Variants in PTPRU observed in about 807,000 individuals in gnomAD.
PTPRU encodes protein tyrosine phosphatase receptor type U.
PTPRU carries 69 observed loss-of-function variants against 166.3 expected under a neutral mutation model. The ratio of observed to expected loss-of-function variants is 0.41; its 90% CI spans 0.34 to 0.51. The LOEUF is 0.51. Among genes scored for constraint, PTPRU ranks in the 20% least tolerant of loss-of-function variants. PTPRU has a pLI of 0.09. For missense variants in PTPRU, 1,657 were observed against 2,013.7 expected (o/e 0.82, Z 3.39); for synonymous variants, 793 against 814.0 (o/e 0.97, Z 0.44).
rs149485705 is a variant in PTPRU at position 29,287,108 on chromosome 1, C to T, written c.2318+2239C>T. 1.5e-4 allele frequency among the ~76,000 whole-genome samples: 23 copies of T among 152,216 alleles called. 1 individual carries two copies. Among genetic ancestry groups the T allele is most frequent in the South Asian group, 4.1e-4 (2 of 4,822 alleles). On this transcript the variant is annotated intron_variant, in intron 14 of 29. Coordinates refer to ENST00000373779, the MANE Select transcript of PTPRU (RefSeq NM_133178.4). ...AAGTTGCTGAGGAGGGCAGTTACCA[C>T]GCCCCCAGGAGGGAGTCCCAGGGGG...
chr1:29,243,215 T>C (rs1005836144), intron 1 of PTPRU, among the ~76,000 whole-genome samples: 3 of 152,162 alleles, frequency 2.0e-5, no homozygotes, highest in Non-Finnish European at 4.4e-5. Flanking sequence ...TGGTTTCTAA[T>C]GCTTCCACCA....
chr1:29,287,696 G>A (rs970611310), intron 14 of PTPRU, among the ~76,000 whole-genome samples: 2 of 151,228 alleles, frequency 1.3e-5, no homozygotes, highest in Non-Finnish European at 2.9e-5. Flanking sequence ...CCAGGTTCAC[G>A]CCATTCTCCT....
Position 29,279,182 on chromosome 1 carries a change from T to C in PTPRU, c.1563+61T>C. The C allele has an allele frequency of 7.3e-7, 1 of 1,366,608 alleles. No individual in the cohort carries two copies. Among genetic ancestry groups the C allele is most frequent in the East Asian group, 2.5e-5 (1 of 39,996 alleles). The allele number at this position is 1,366,608 out of a possible 1,614,324, so 84.7% of individuals were successfully genotyped here. On this transcript the variant is annotated intron_variant, in intron 9 of 29. Transcript: ENST00000373779. This position sits in a 1 kb window ranked among gnomAD's most constrained non-coding sequence, Gnocchi z 5.2. The stretch of plus-strand genomic sequence containing the variant: ...GTGGAAGGTGAGAGGTGGCCCTCTT[T>C]CTCTCTGCTGCTACAGTAGGAGGTG...
intron 7 of PTPRU, among the ~76,000 whole-genome samples, chr1:29,266,169 T>C (rs1459850694): frequency 6.6e-6 from 1 of 151,854 alleles, no homozygotes; most frequent in East Asian, 1.9e-4. Context: ...TACAGGCATA[T>C]ACCACCATGC....
At chr1:29,294,872 T>G (rs529515147) in intron 15 of PTPRU, among the ~76,000 whole-genome samples, 2 of 152,354 alleles carry the variant, frequency 1.3e-5, no homozygotes, top group South Asian at 4.1e-4. Flanking sequence ...TTTCTACAGA[T>G]AAGTAGATCA....
At position 29,304,843 on chromosome 1, in the gene PTPRU, C is replaced by G. The variant is rs1004920455; in HGVS notation, c.2737C>G (p.Pro913Ala). 8.1e-6 allele frequency: 13 copies of G among 1,610,326 alleles called. No homozygotes were observed. Among genetic ancestry groups the G allele is most frequent in the Non-Finnish European group, 9.3e-6 (11 of 1,177,130 alleles). ...KVKGSRQEPM[P>A]AYDRHRVKLH... The stretch of plus-strand genomic sequence containing the variant: ...CAAGGGCAGCCGGCAGGAGCCAATG[C>G]CTGCCTGTGAGTCCTGGGGAAGGGC... The change falls in exon 17 of 30, where the codon CCT becomes GCT. Residue 913 changes from proline to alanine, a missense_variant. This residue lies in a region of PTPRU where 1,190 missense variants were observed against 1,477.4 expected (regional missense o/e 0.81). Coordinates refer to ENST00000373779, the MANE Select transcript of PTPRU (RefSeq NM_133178.4).
chr1:29,319,155 CGCCGGGGGACATCTG>C (rs1688034875), intron 25 of PTPRU, among the ~76,000 whole-genome samples: 1 of 152,126 alleles, frequency 6.6e-6, no homozygotes, highest in Admixed American at 6.5e-5. Context: ...CCCACATGCT[CGCCGGGGGACATCTG>C]GCCTGCTGAG....
At chr1:29,292,724 C>T (rs1040620604) in intron 15 of PTPRU, among the ~76,000 whole-genome samples, 3 of 152,038 alleles carry the variant, frequency 2.0e-5, no homozygotes, top group Non-Finnish European at 2.9e-5. Flanking sequence ...CAATGAACCT[C>T]ATTGGTGAAT....
At chr1:29,261,027 CCCTTGTTA>C (rs1685041569) in intron 7 of PTPRU, 124 bp downstream of exon 7, 71 of 1,136,116 alleles carry the variant, frequency 6.2e-5, no homozygotes, top group Non-Finnish European at 8.3e-5. Context: ...TTTTCCTCAA[CCCTTGTTA>C]TGGTAAAGAT....
Position 29,317,685 on chromosome 1 carries a change from G to A in PTPRU, c.3514-63G>A. 6.8e-6 allele frequency: 10 copies of A among 1,476,478 alleles called. No homozygotes were observed. Among genetic ancestry groups the A allele is most frequent in the Non-Finnish European group, 9.2e-6 (10 of 1,092,020 alleles). The allele number at this position is 1,476,478 out of a possible 1,614,324, so 91.5% of individuals were successfully genotyped here. On this transcript the variant is annotated intron_variant, in intron 24 of 29. Transcript: ENST00000373779. This position sits in a 1 kb window ranked among gnomAD's most constrained non-coding sequence, Gnocchi z 5.6. ...TAACTCAGTCCAGCCTCCTTCATGG[G>A]GATGTGAGGAGGCCCAGCAAGCCCT... is the stretch of plus-strand genomic sequence containing the variant.
intron 14 of PTPRU, among the ~76,000 whole-genome samples, chr1:29,288,519 G>C (rs887500670): frequency 1.3e-5 from 2 of 152,122 alleles, no homozygotes; most frequent in African/African-American, 4.8e-5. Context: ...GTCCTCCCTC[G>C]TGGGGCCTCT....
chr1:29,314,869 G>T (rs756993674), intron 22 of PTPRU, among the ~76,000 whole-genome samples: 1 of 152,142 alleles, frequency 6.6e-6, no homozygotes, highest in African/African-American at 2.4e-5. Context: ...CTGAGCCACC[G>T]TGCCTGGCCA....
rs1683830751 is a variant in PTPRU at position 29,237,633 on chromosome 1, G to C, written c.73+916G>C. On this transcript the variant is annotated intron_variant, in intron 1 of 29. Transcript: ENST00000373779. This position sits in a 1 kb window ranked among gnomAD's most constrained non-coding sequence, Gnocchi z 6.4. ...CGCGGCGGCGCCCCCTGGGCTGCCC[G>C]GGTCGGGCAGGGCCCGAGGCTCAGG... 6.6e-6 allele frequency among the ~76,000 whole-genome samples: 1 copy of C among 151,430 alleles called. No individual in the cohort carries two copies. Among genetic ancestry groups the C allele is most frequent in the African/African-American group, 2.4e-5 (1 of 41,348 alleles).
chr1:29,259,600 T>TGGGTTTTTGGGGGGGGGGGGGGGGGG, intron 5 of PTPRU, 36 bp downstream of exon 5: 1 of 253,682 alleles, frequency 3.9e-6, no homozygotes, highest in Non-Finnish European at 7.7e-6. Flanking sequence ...GGGGGCGGGG[T>TGGGTTTTTGGGGGGGGGGGGGGGGGG]GGGAGGGGGT....
Position 29,317,666 on chromosome 1 carries a change from A to G in PTPRU, c.3514-82A>G. 7.1e-7 allele frequency: 1 copy of G among 1,413,722 alleles called. No homozygotes were observed. Among genetic ancestry groups the G allele is most frequent in the South Asian group, 1.3e-5 (1 of 76,132 alleles). 87.6% of individuals were successfully genotyped at this position (1,413,722 alleles called of 1,614,324 possible). On this transcript the variant is annotated intron_variant, in intron 24 of 29. Coordinates refer to ENST00000373779, the MANE Select transcript of PTPRU (RefSeq NM_133178.4). The surrounding 1 kb of genome is among the most constrained non-coding windows in gnomAD (Gnocchi z 5.6). ...ATCCATAAAATGGGATTAGTAACTC[A>G]GTCCAGCCTCCTTCATGGGGATGTG...
chr1:29,311,244 G>A lies in PTPRU; in HGVS notation c.2858-212G>A. On this transcript the variant is annotated intron_variant, in intron 19 of 29. Transcript: ENST00000373779. This position sits in a 1 kb window ranked among gnomAD's most constrained non-coding sequence, Gnocchi z 4.1. The stretch of plus-strand genomic sequence containing the variant: ...CCAGGGTCCCATTCAGGATGAGCGG[G>A]CTCTTTAGCCAGGCCCTCTCCTGAT... The A allele has an allele frequency of 1.7e-6, 1 of 600,912 alleles. No homozygotes were observed. Among genetic ancestry groups the A allele is most frequent in the Non-Finnish European group, 3.0e-6 (1 of 338,332 alleles). The allele number at this position is 600,912 out of a possible 1,614,324, so 37.2% of individuals were successfully genotyped here.
rs11556358 is a variant in PTPRU, at chr1:29,320,729, G to A, written c.3732G>A (p.Leu1244=). The change falls in exon 26 of 30, where the codon CTG becomes CTA. Residue 1244 remains leucine, a synonymous_variant. Transcript: ENST00000373779. The surrounding 1 kb of genome is among the most constrained non-coding windows in gnomAD (Gnocchi z 5.2). ...SAAFIVTLHP[L]QSTTPDFWRL... is the part of the protein sequence containing the mutation. ...CCTTCATCGTGACCCTGCACCCGCT[G>A]CAGAGCACCACGCCCGACTTCTGGC... 6.2e-7 allele frequency: 1 copy of A among 1,608,320 alleles called. No individual in the cohort carries two copies. The highest frequency in any genetic ancestry group is 8.5e-7 in the Non-Finnish European group (1 of 1,175,594).
rs1684970144 is a variant in PTPRU, at chr1:29,259,960, C to T, written c.766C>T (p.Arg256Cys). Reference sequence around the variant, plus strand: ...CACTTTCCCGCTGGCTGCCGTGAGCCGCGCCGAGCAGGACCTGTACCGCTG... The same window carrying T: ...CACTTTCCCGCTGGCTGCCGTGAGCTGCGCCGAGCAGGACCTGTACCGCTG... ...LATFPLAAVS[R>C]AEQDLYRCVS... The change falls in exon 6 of 30, where the codon CGC (arginine) becomes TGC (cysteine). Residue 256 changes from arginine to cysteine, a missense_variant. Physicochemically the swap from Arg to Cys is radical, Grantham distance 180. Around this residue, in one of 3 missense-constraint regions of PTPRU, gnomAD observed 453 missense variants for 496.9 expected, o/e 0.91. Transcript: ENST00000373779. The T allele has an allele frequency of 8.4e-6, 13 of 1,544,650 alleles. No individual in the cohort carries two copies. The highest frequency in any genetic ancestry group is 1.1e-5 in the Non-Finnish European group (13 of 1,152,012).
rs768547107 is a variant in PTPRU, at chr1:29,280,091, C to T, written c.1818C>T (p.Asn606=). ...DMPSPLGESE[N]TITVLLRPAQ... ...CGTCACCCCTGGGCGAGTCTGAGAA[C>T]ACCATCACCGTGCTGCTGAGGCCGG... The change falls in exon 11 of 30, where the codon AAC becomes AAT. Residue 606 remains asparagine (N), a synonymous_variant. Transcript: ENST00000373779. The surrounding 1 kb of genome is among the most constrained non-coding windows in gnomAD (Gnocchi z 4.2). 2 of 1,613,754 alleles carry T rather than the reference C, an allele frequency of 1.2e-6. No homozygotes were observed. The highest frequency in any genetic ancestry group is 1.1e-5 in the South Asian group (1 of 91,058).
Sources: gnomAD v4.1 joint callset for allele counts (sites outside exome capture counted in the v4.1 genomes callset) on GRCh38, gnomAD v4.1.1 for gene constraint, gnomAD v4.1.1 regional missense constraint, Gnocchi (gnomAD v3.1) non-coding constraint, MANE v1.5 for transcripts, NCBI Gene and HGNC (gene_info 2026-07-23, HGNC 2026-07-21) for gene names.